Variants in TEX9 observed in about 807,000 individuals in gnomAD.
TEX9 encodes testis-expressed protein 9.
A neutral mutation model predicts 59.6 loss-of-function variants in TEX9; 74 were observed. The observed-to-expected ratio is 1.24, with a 90% CI of 1.03 to 1.51. The LOEUF (loss-of-function observed/expected upper bound fraction) is 1.51, where lower values mean the gene tolerates loss of function less well. Ranked by LOEUF, TEX9 falls within the 40% of genes most tolerant of loss-of-function variation. TEX9 has a pLI of 0.00. For synonymous variants in TEX9, 186 were observed against 152.2 expected, an observed-to-expected ratio of 1.22 and a Z score of -1.64; for missense variants, 522 against 447.8, an observed-to-expected ratio of 1.17 and a Z score of -1.49.
At chr15:56,309,226 G>T (rs556837388) in intron 1 of TEX9, among the ~76,000 whole-genome samples, 4 of 152,250 alleles carry the variant, frequency 2.6e-5, no homozygotes, top group South Asian at 2.1e-4. Context: ...TTAGGTTGAA[G>T]AAATTCCCTT....
intron 3 of TEX9, chr15:56,374,348 C>G (rs1415520890): frequency 1.3e-5 from 2 of 152,064 alleles, no homozygotes; most frequent in Non-Finnish European, 2.9e-5. Flanking sequence ...CCTGCAGAAG[C>G]AAACAATATA....
intron 3 of TEX9, 33 bp from the exon 4 acceptor site, chr15:56,383,919 A>G (rs754563435): frequency 1.4e-5 from 22 of 1,520,390 alleles, no homozygotes; most frequent in African/African-American, 2.8e-5. Flanking sequence ...TTTTTTTTCT[A>G]TATGATATAT....
At position 56,388,454 on chromosome 15, in the gene TEX9, T is replaced by G. The variant is rs12908765; in HGVS notation, c.264-18T>G. On this transcript the variant is annotated intron_variant, in intron 4 of 12. Transcript: ENST00000352903. ...TGTCATCTATTATTAATGTATAATG[T>G]TTATTTTTGGCCTGTAGAGGTCTGT... The G allele has an allele frequency of 6.3e-7, 1 of 1,596,138 alleles. No individual in the cohort carries two copies. The highest frequency in any genetic ancestry group is 8.6e-7 in the Non-Finnish European group (1 of 1,165,360).
At position 56,431,362 on chromosome 15, in the gene TEX9, A is replaced by G. The variant is rs1444868545; in HGVS notation, c.*29+2889A>G. On this transcript the variant is annotated intron_variant, in intron 12 of 12. Coordinates refer to ENST00000352903, the Ensembl canonical transcript of TEX9. ...TCATGAAGATTACAACTTGAGATAAATCTCACTTACTTTAGGGAGATAGCC... is the reference window on the plus strand; with the variant it reads ...TCATGAAGATTACAACTTGAGATAAGTCTCACTTACTTTAGGGAGATAGCC... 2.5e-6 allele frequency: 4 copies of G among 1,608,946 alleles called. No homozygotes were observed. The Admixed American group carries it at 6.8e-5, about 27-fold the overall frequency.
intron 9 of TEX9, among the ~76,000 whole-genome samples, chr15:56,404,044 T>G (rs2048939668): frequency 1.3e-5 from 2 of 152,108 alleles, no homozygotes; most frequent in Non-Finnish European, 1.5e-5. Context: ...AGAAAACCTA[T>G]GCAGTACCAT....
chr15:56,436,461 G>A (rs1596256070), intron 12 of TEX9, among the ~76,000 whole-genome samples: 2 of 152,206 alleles, frequency 1.3e-5, no homozygotes, highest in East Asian at 3.8e-4. Flanking sequence ...AAAGCAGTGT[G>A]TAGAGGGAAA....
intron 1 of TEX9, among the ~76,000 whole-genome samples, chr15:56,344,569 T>C (rs1342948642): frequency 1.3e-5 from 2 of 152,100 alleles, no homozygotes; most frequent in East Asian, 3.8e-4. Flanking sequence ...GTAATAAAAA[T>C]GTTCTAAAAT....
upstream of TEX9, among the ~76,000 whole-genome samples, chr15:56,363,254 C>T (rs568813598): frequency 4.6e-5 from 7 of 151,344 alleles, no homozygotes; most frequent in African/African-American, 1.5e-4. Flanking sequence ...CTCCTCTACA[C>T]GTTATTGTCC....
the TEX9 span, among the ~76,000 whole-genome samples, chr15:56,455,519 C>G: frequency 6.6e-6 from 1 of 152,106 alleles, no homozygotes; most frequent in Non-Finnish European, 1.5e-5. Flanking sequence ...TACAGACGTC[C>G]TGCTCAATTA....
chr15:56,247,415 G>C lies in TEX9; in HGVS notation c.-107+3137G>C, dbSNP rs184323452. Among the ~76,000 whole-genome samples the C allele has an allele frequency of 1.1e-4, 17 of 152,288 alleles. No homozygotes were observed. In the East Asian group the frequency reaches 3.1e-3, roughly 28 times the overall value. On this transcript the variant is annotated intron_variant, in intron 1 of 5. Coordinates refer to the TEX9 transcript ENST00000560827. ...TGCTCAGGGTAGAAGAACTGGAGAAGGCATCATGGCTGGCATTTTAATTGG... is the reference window on the plus strand; with the variant it reads ...TGCTCAGGGTAGAAGAACTGGAGAACGCATCATGGCTGGCATTTTAATTGG...
the TEX9 span, among the ~76,000 whole-genome samples, chr15:56,455,022 G>C: frequency 9.9e-5 from 15 of 152,076 alleles, no homozygotes; most frequent in Non-Finnish European, 1.9e-4. Flanking sequence ...CTCAGCCATT[G>C]TTTGGAATCA....
chr15:56,446,827 A>G (rs775180618), downstream of TEX9: 5 of 1,568,472 alleles, frequency 3.2e-6, no homozygotes, highest in Non-Finnish European at 4.4e-6. Flanking sequence ...CATAATGACC[A>G]GAAACATGAT....
At chr15:56,348,771 T>A (rs1159899919) in intron 1 of TEX9, among the ~76,000 whole-genome samples, 5 of 152,114 alleles carry the variant, frequency 3.3e-5, no homozygotes, top group Non-Finnish European at 1.5e-5. Context: ...TATTTCACCA[T>A]ATCTGGGAAA....
chr15:56,431,065 G>A (rs1274933524), intron 12 of TEX9, among the ~76,000 whole-genome samples: 2 of 152,188 alleles, frequency 1.3e-5, no homozygotes, highest in African/African-American at 4.8e-5. Flanking sequence ...GGAGGCTGAA[G>A]CAGGAGAATC....
chr15:56,282,740 A>G (rs1217170025), intron 1 of TEX9, among the ~76,000 whole-genome samples: 1 of 152,166 alleles, frequency 6.6e-6, no homozygotes, highest in African/African-American at 2.4e-5. Context: ...ATTGAAGTAG[A>G]TGTGGAAAAT....
intron 9 of TEX9, among the ~76,000 whole-genome samples, chr15:56,401,430 CAAG>C (rs535140048): frequency 6.7e-4 from 100 of 149,990 alleles, no homozygotes; most frequent in Non-Finnish European, 1.2e-3. Flanking sequence ...ATCAATTCAA[CAAG>C]AAGAGCTAAC....
intron 1 of TEX9, among the ~76,000 whole-genome samples, chr15:56,330,091 G>T (rs1242073036): frequency 6.6e-6 from 1 of 151,664 alleles, no homozygotes; most frequent in Non-Finnish European, 1.5e-5. Context: ...ACTTCTCCAT[G>T]GAAACCTTAT....
the TEX9 span, among the ~76,000 whole-genome samples, chr15:56,452,973 C>CT: frequency 1.3e-5 from 2 of 152,240 alleles, no homozygotes; most frequent in African/African-American, 2.4e-5. Flanking sequence ...TATGTTAACT[C>CT]TTTTTTACAT....
chr15:56,343,137 A>C (rs1362274324), intron 1 of TEX9, among the ~76,000 whole-genome samples: 1 of 152,200 alleles, frequency 6.6e-6, no homozygotes, highest in Non-Finnish European at 1.5e-5. Flanking sequence ...TATAAAAATA[A>C]TTTAAAACAG....
Sources: gnomAD v4.1 joint callset for allele counts (sites outside exome capture counted in the v4.1 genomes callset) on GRCh38, gnomAD v4.1.1 for gene constraint, MANE v1.5 for transcripts, NCBI Gene and HGNC (gene_info 2026-07-23, HGNC 2026-07-21) for gene names.